Variants in MOBP observed in about 807,000 individuals in gnomAD.
MOBP encodes myelin-associated oligodendrocyte basic protein.
In MOBP, 5 loss-of-function variants were observed where a neutral mutation model predicts 15.0. The observed-to-expected ratio is 0.33, with a 90% CI of 0.17 to 0.70. The LOEUF (loss-of-function observed/expected upper bound fraction) is 0.70. Ranked by LOEUF, MOBP falls within the 30% of genes least tolerant of loss-of-function variation. MOBP has a pLI of 0.67. For missense variants in MOBP, 188 were observed against 257.8 expected (o/e 0.73, Z 1.85); for synonymous variants, 88 against 99.0 (o/e 0.89, Z 0.66).
intron 1 of MOBP, among the ~76,000 whole-genome samples, chr3:39,475,448 A>C (rs1308172447): frequency 6.6e-6 from 1 of 152,134 alleles, no homozygotes; most frequent in Non-Finnish European, 1.5e-5. Flanking sequence ...TTCACCTACT[A>C]ATTTTAGCAT....
At chr3:39,501,783 T>A (rs2042973410) in intron 2 of MOBP, among the ~76,000 whole-genome samples, 1 of 152,216 alleles carries the variant, frequency 6.6e-6, no homozygotes, top group Non-Finnish European at 1.5e-5. Context: ...TGTTTTCCTA[T>A]CTTACATGGG....
At chr3:39,501,579 G>A (rs2042970587) in intron 2 of MOBP, among the ~76,000 whole-genome samples, 1 of 152,192 alleles carries the variant, frequency 6.6e-6, no homozygotes, top group Non-Finnish European at 1.5e-5. Context: ...TCAATGGTAT[G>A]TCTGTGAGAT....
chr3:39,495,458 AT>A (rs1230130479), intron 2 of MOBP, among the ~76,000 whole-genome samples: 2 of 151,950 alleles, frequency 1.3e-5, no homozygotes, highest in East Asian at 1.9e-4. Flanking sequence ...GAAAAAAAAA[AT>A]AACACAAATA....
chr3:39,477,509 G>A (rs1344131380), intron 1 of MOBP, among the ~76,000 whole-genome samples: 1 of 151,782 alleles, frequency 6.6e-6, no homozygotes, highest in Non-Finnish European at 1.5e-5. Context: ...ATTATGTACA[G>A]TACATAATAC....
At chr3:39,474,459 A>G (rs912719292) in intron 1 of MOBP, among the ~76,000 whole-genome samples, 3 of 152,236 alleles carry the variant, frequency 2.0e-5, no homozygotes, top group Admixed American at 1.3e-4. Flanking sequence ...GGTACAGGCT[A>G]CTTAATACAA....
At chr3:39,522,921 C>G (rs1029300435) in intron 3 of MOBP, among the ~76,000 whole-genome samples, 1 of 152,210 alleles carries the variant, frequency 6.6e-6, no homozygotes, top group African/African-American at 2.4e-5. Context: ...GCCAGAGACC[C>G]TGTGCTAGCC....
exon 5 of MOBP, chr3:39,513,935 C>A (rs1053040696): frequency 6.5e-6 from 1 of 153,910 alleles, no homozygotes; most frequent in African/African-American, 2.4e-5. Context: ...GTTCCCTGTG[C>A]CAGCCCATAG....
intron 4 of MOBP, among the ~76,000 whole-genome samples, chr3:39,508,227 C>G (rs1040931586): frequency 3.3e-5 from 5 of 152,220 alleles, no homozygotes; most frequent in African/African-American, 1.2e-4. Flanking sequence ...AGTTTATATG[C>G]TCACACACAT....
At chr3:39,487,246 A>G (rs2042724449) in intron 2 of MOBP, among the ~76,000 whole-genome samples, 1 of 152,030 alleles carries the variant, frequency 6.6e-6, no homozygotes, top group Non-Finnish European at 1.5e-5. Context: ...CCCAGCCTGT[A>G]GTTTTTAATT....
At chr3:39,514,585 T>G (rs1166732465) in exon 5 of MOBP, 1 of 152,420 alleles carries the variant, frequency 6.6e-6, no homozygotes, top group Non-Finnish European at 1.5e-5. Flanking sequence ...ACAGGAGCTT[T>G]GCCTTGGGGG....
intron 4 of MOBP, among the ~76,000 whole-genome samples, chr3:39,508,852 A>G (rs9837026): frequency 0.015 from 2,296 of 152,180 alleles, 43 homozygotes; most frequent in African/African-American, 0.052. Flanking sequence ...TGGCCCCAAC[A>G]TTTTAATCTC....
downstream of MOBP, among the ~76,000 whole-genome samples, chr3:39,503,658 T>TTTTATTATTTATTAA (rs10662939): frequency 2.0e-5 from 3 of 147,890 alleles, no homozygotes; most frequent in Non-Finnish European, 4.5e-5. Flanking sequence ...CTGGCCAATT[T>TTTTATTATTTATTAA]TTTATTTATT....
chr3:39,496,654 C>T (rs1272736597), intron 2 of MOBP, among the ~76,000 whole-genome samples: 11 of 144,686 alleles, frequency 7.6e-5, no homozygotes, highest in South Asian at 6.7e-4. Context: ...CCACCACGCC[C>T]GGCTAATTTT....
intron 4 of MOBP, among the ~76,000 whole-genome samples, chr3:39,510,473 A>G (rs1402767152): frequency 6.6e-6 from 1 of 152,072 alleles, no homozygotes; most frequent in Non-Finnish European, 1.5e-5. Flanking sequence ...CTCTCTATTT[A>G]TTTAGGTCTT....
At chr3:39,473,658 G>A (rs1053421660) in intron 1 of MOBP, among the ~76,000 whole-genome samples, 9 of 152,170 alleles carry the variant, frequency 5.9e-5, no homozygotes, top group African/African-American at 2.2e-4. Context: ...CAGCTCACAG[G>A]GGAGGCAATT....
At chr3:39,503,861 G>A (rs571013151), downstream of MOBP, among the ~76,000 whole-genome samples, 28 of 152,196 alleles carry the variant, frequency 1.8e-4, no homozygotes, top group South Asian at 3.7e-3. Context: ...TACTGATTTA[G>A]TAGGAAGAAG....
chr3:39,497,050 G>A (rs2042898308), intron 2 of MOBP, among the ~76,000 whole-genome samples: 1 of 151,926 alleles, frequency 6.6e-6, no homozygotes, highest in Admixed American at 6.5e-5. Flanking sequence ...TAATCTGTCT[G>A]CCTCGGCCTC....
At chr3:39,478,042 T>A (rs1246443108) in intron 1 of MOBP, among the ~76,000 whole-genome samples, 1 of 152,042 alleles carries the variant, frequency 6.6e-6, no homozygotes, top group Admixed American at 6.6e-5. Context: ...AGAAAAAATT[T>A]AAAAAATAAT....
At chr3:39,487,526 T>C (rs971639402) in intron 2 of MOBP, among the ~76,000 whole-genome samples, 2 of 120,304 alleles carry the variant, frequency 1.7e-5, no homozygotes, top group Admixed American at 7.5e-5. Flanking sequence ...TTCTTTTTTT[T>C]TTTTTTTTTT....
Sources: allele counts gnomAD v4.1 joint callset (sites outside exome capture counted in the v4.1 genomes callset), GRCh38; gene constraint gnomAD v4.1.1; transcripts MANE v1.5; gene names NCBI Gene and HGNC (gene_info 2026-07-23, HGNC 2026-07-21).